Variants in TRIM67 observed in about 807,000 individuals in gnomAD.
TRIM67 encodes the protein tripartite motif-containing protein 67.
TRIM67 carries 39 observed loss-of-function variants against 71.0 expected under a neutral mutation model. The observed-to-expected ratio is 0.55, with a 90% CI of 0.43 to 0.72. The LOEUF is 0.72. TRIM67 is among the 30% of genes least tolerant of loss of function. The pLI, the probability that TRIM67 is intolerant of heterozygous loss-of-function variation, is 0.00. For synonymous variants in TRIM67, 481 were observed against 473.9 expected, an observed-to-expected ratio of 1.01 and a Z score of -0.19; for missense variants, 973 against 1,079.2, an observed-to-expected ratio of 0.90 and a Z score of 1.38.
At chr1:231,172,961 C>T (rs987453210) in intron 1 of TRIM67, among the ~76,000 whole-genome samples, 8 of 152,218 alleles carry the variant, frequency 5.3e-5, no homozygotes, top group Non-Finnish European at 7.3e-5. Context: ...CTTACTATAA[C>T]GTAAATACTG....
rs41307736 is a variant in TRIM67 at position 231,215,473 on chromosome 1, G to A, written c.*33G>A. The A allele has an allele frequency of 2.5e-4, 396 of 1,565,928 alleles. 1 individual carries two copies. In the African/African-American group the frequency reaches 2.6e-3, roughly 10 times the overall value. On this transcript the variant is annotated 3_prime_UTR_variant, in exon 10 of 10. Coordinates refer to ENST00000366653, the MANE Select transcript of TRIM67 (RefSeq NM_001004342.5). ...CCAGCTCGGCACTGTGCCTGTGACA[G>A]TGACATTCACAGGCAAAACGCCCAC...
chr1:231,206,569 T>C, intron 6 of TRIM67, 83 bp from the exon 7 acceptor site: 2 of 1,382,044 alleles, frequency 1.4e-6, no homozygotes, highest in East Asian at 2.6e-5. Flanking sequence ...ACTTTTAATG[T>C]CAATGTGTTT....
chr1:231,185,048 T>C, intron 1 of TRIM67: 1 of 1,532,976 alleles, frequency 6.5e-7, no homozygotes, highest in Non-Finnish European at 8.7e-7. Flanking sequence ...TAGGCTAGTG[T>C]GGAGCTGAGC....
At chr1:231,178,109 T>C (rs1340814183) in intron 1 of TRIM67, among the ~76,000 whole-genome samples, 2 of 152,134 alleles carry the variant, frequency 1.3e-5, no homozygotes, top group African/African-American at 4.8e-5. Flanking sequence ...TTAGCATGGC[T>C]CTCTCCTCCC....
Position 231,199,157 on chromosome 1 carries a change from A to G in TRIM67, c.1251A>G (p.Glu417=), listed in dbSNP as rs752600055. ...TCACCAAGGTGACTAAAGAGAGGGA[A>G]CACAAGTTGAAGGTAGGTACCTGGG... The part of the protein sequence containing the change: ...KLLTKVTKER[E]HKLKMVWDQI... The change falls in exon 3 of 10, where the codon GAA becomes GAG. Residue 417 remains glutamate, a synonymous_variant. Coordinates refer to ENST00000366653, the MANE Select transcript of TRIM67 (RefSeq NM_001004342.5). 1.2e-6 allele frequency: 2 copies of G among 1,613,936 alleles called. No individual in the cohort carries two copies. The highest frequency in any genetic ancestry group is 4.5e-5 in the East Asian group (2 of 44,876).
At chr1:231,193,029 T>C (rs1683274268) in intron 1 of TRIM67, among the ~76,000 whole-genome samples, 1 of 152,192 alleles carries the variant, frequency 6.6e-6, no homozygotes, top group Non-Finnish European at 1.5e-5. Context: ...AGGCTGGCGC[T>C]GGCTGGGACA....
chr1:231,182,295 A>G (rs1682927121), intron 1 of TRIM67, among the ~76,000 whole-genome samples: 1 of 152,214 alleles, frequency 6.6e-6, no homozygotes, highest in African/African-American at 2.4e-5. Context: ...TTAGTGAAGG[A>G]AGAAGGAAAT....
chr1:231,188,583 G>A (rs1308950999), intron 1 of TRIM67, among the ~76,000 whole-genome samples: 2 of 152,162 alleles, frequency 1.3e-5, no homozygotes, highest in Non-Finnish European at 2.9e-5. Flanking sequence ...CAGTGCAATG[G>A]AGTGCAAAGA....
At position 231,219,882 on chromosome 1, in the gene TRIM67, T is replaced by C. The variant is rs1684099992; in HGVS notation, c.*4442T>C. 1 of 1,289,882 alleles carries C rather than the reference T, an allele frequency of 7.8e-7. No individual in the cohort carries two copies. The highest frequency in any genetic ancestry group is 1.2e-5 in the South Asian group (1 of 81,030). 79.9% of individuals were successfully genotyped at this position (1,289,882 alleles called of 1,614,324 possible). A position where few individuals can be genotyped will look rare whatever the true frequency, so the allele number is the denominator to read the frequency against. ...ACCTAATATCTAGGCTGTAAAAATA[T>C]GAGGGCAGGTTTCGGGCAGGATGTA... On this transcript the variant is annotated 3_prime_UTR_variant, in exon 10 of 10. Coordinates refer to ENST00000366653, the MANE Select transcript of TRIM67 (RefSeq NM_001004342.5).
intron 1 of TRIM67, among the ~76,000 whole-genome samples, chr1:231,173,573 G>A (rs1408981655): frequency 6.6e-6 from 1 of 152,216 alleles, no homozygotes; most frequent in East Asian, 1.9e-4. Flanking sequence ...CGCCTGGTGT[G>A]TTTAAACGAC....
In TRIM67 at chr1:231,218,829, G is replaced by C. The variant is rs1023264687; in HGVS notation, c.*3389G>C. 6.1e-6 allele frequency: 6 copies of C among 985,304 alleles called. No homozygotes were observed. The African/African-American group carries it at 1.0e-4, about 17-fold the overall frequency. The allele number at this position is 985,304 out of a possible 1,614,324, so 61.0% of individuals were successfully genotyped here. A position where few individuals can be genotyped will look rare whatever the true frequency, so the allele number is the denominator to read the frequency against. On this transcript the variant is annotated 3_prime_UTR_variant, in exon 10 of 10. Coordinates refer to ENST00000366653, the MANE Select transcript of TRIM67 (RefSeq NM_001004342.5). ...GCAGGCTCTGTGGAGCTCACCAAGA[G>C]AGCTGGGGGCAGGCCCACCCTCCTC...
intron 7 of TRIM67, among the ~76,000 whole-genome samples, chr1:231,207,197 G>C (rs1195874611): frequency 6.6e-6 from 1 of 152,224 alleles, no homozygotes; most frequent in African/African-American, 2.4e-5. Flanking sequence ...AGCTAAGGGA[G>C]GCTAAACTTC....
chr1:231,201,247 C>T, intron 4 of TRIM67, 111 bp from the exon 5 acceptor site: 1 of 1,210,650 alleles, frequency 8.3e-7, no homozygotes, highest in Non-Finnish European at 1.1e-6. Context: ...GAGCACAACC[C>T]TTTTCTGTCT....
intron 1 of TRIM67, among the ~76,000 whole-genome samples, chr1:231,187,828 G>A (rs1683128063): frequency 6.6e-6 from 1 of 152,316 alleles, no homozygotes; most frequent in Middle Eastern, 3.4e-3. Flanking sequence ...ACCCAGGCAG[G>A]CAGATGCTTG....
Position 231,163,554 on chromosome 1 carries a change from C to T in TRIM67, c.585C>T (p.Ala195=), listed in dbSNP as rs1375422289. The T allele has an allele frequency of 6.6e-7, 1 of 1,512,096 alleles. No individual in the cohort carries two copies. Among genetic ancestry groups the T allele is most frequent in the Non-Finnish European group, 8.8e-7 (1 of 1,136,050 alleles). The allele number at this position is 1,512,096 out of a possible 1,614,324, so 93.7% of individuals were successfully genotyped here. ...IVQRYQQGRG[A]VPGTSAAAAV... ...AGCGGTACCAGCAGGGCCGCGGGGC[C>T]GTGCCGGGGACGTCTGCAGCCGCGG... The change falls in exon 1 of 10, where the codon GCC becomes GCT. Residue 195 remains alanine (A), a synonymous_variant. Coordinates refer to ENST00000366653, the MANE Select transcript of TRIM67 (RefSeq NM_001004342.5).
At position 231,216,214 on chromosome 1, in the gene TRIM67, T is replaced by C; in HGVS notation, c.*774T>C. ...CTTTGCTCTCTCTTTCTTCCTTTCC[T>C]CCTTCTCTCTTACTTTCCTCCATCC... is the stretch of plus-strand genomic sequence containing the variant. On this transcript the variant is annotated 3_prime_UTR_variant, in exon 10 of 10. Transcript: ENST00000366653. 1 of 958,046 alleles carries C rather than the reference T, an allele frequency of 1.0e-6. No homozygotes were observed. Among genetic ancestry groups the C allele is most frequent in the Non-Finnish European group, 1.2e-6 (1 of 805,350 alleles). The allele number at this position is 958,046 out of a possible 1,614,324, so 59.3% of individuals were successfully genotyped here. A position where few individuals can be genotyped will look rare whatever the true frequency, so the allele number is the denominator to read the frequency against.
In TRIM67 at chr1:231,217,844, G is replaced by A; in HGVS notation, c.*2404G>A. 7.8e-7 allele frequency: 1 copy of A among 1,289,686 alleles called. No individual in the cohort carries two copies. Among genetic ancestry groups the A allele is most frequent in the Non-Finnish European group, 1.0e-6 (1 of 988,796 alleles). 79.9% of individuals were successfully genotyped at this position (1,289,686 alleles called of 1,614,324 possible). ...GGTCAGGAGAGAAGTGGAAAGTGCAGGAGGGTAATGCCCTCAAATCCGGTG... is the reference window on the plus strand; with the variant it reads ...GGTCAGGAGAGAAGTGGAAAGTGCAAGAGGGTAATGCCCTCAAATCCGGTG... On this transcript the variant is annotated 3_prime_UTR_variant, in exon 10 of 10. Transcript: ENST00000366653.
chr1:231,187,271 C>T (rs371545355), intron 1 of TRIM67, among the ~76,000 whole-genome samples: 10 of 152,054 alleles, frequency 6.6e-5, no homozygotes, highest in South Asian at 2.1e-4. Flanking sequence ...AGTAGGATTT[C>T]GGGATAAAAG....
chr1:231,188,453 G>A (rs1358314950), intron 1 of TRIM67, among the ~76,000 whole-genome samples: 1 of 152,184 alleles, frequency 6.6e-6, no homozygotes, highest in African/African-American at 2.4e-5. Context: ...GGGTCCCCTG[G>A]AGAATAAAGA....
Sources: allele counts gnomAD v4.1 joint callset (sites outside exome capture counted in the v4.1 genomes callset), GRCh38; gene constraint gnomAD v4.1.1; transcripts MANE v1.5; gene names NCBI Gene and HGNC (gene_info 2026-07-23, HGNC 2026-07-21).